HDAC4: variants seen among roughly 807,000 people sequenced by gnomAD.
The protein encoded by HDAC4 is histone deacetylase 4, also known as histone deacetylase A.
In HDAC4, 16 loss-of-function variants were observed where a neutral mutation model predicts 135.1. That is an observed-to-expected ratio of 0.12 (90% CI 0.08 to 0.18). The LOEUF (loss-of-function observed/expected upper bound fraction) is 0.18. HDAC4 is among the 10% of genes least tolerant of loss of function. HDAC4 has a pLI of 1.00. For missense variants in HDAC4, 1,143 were observed against 1,511.8 expected (o/e 0.76, Z 4.05); for synonymous variants, 685 against 653.4 (o/e 1.05, Z -0.74).
chr2:239,276,180 G>A (rs1250321564), intron 2 of HDAC4, among the ~76,000 whole-genome samples: 1 of 152,244 alleles, frequency 6.6e-6, no homozygotes, highest in Non-Finnish European at 1.5e-5. Flanking sequence ...CAGAGAACCT[G>A]AAGATGGCAG....
chr2:239,137,241 A>G (rs911175835), intron 9 of HDAC4, among the ~76,000 whole-genome samples: 5 of 152,232 alleles, frequency 3.3e-5, no homozygotes, highest in Non-Finnish European at 5.9e-5. Flanking sequence ...TGCGGGAGGC[A>G]TTCTGAGGCT....
In HDAC4 at chr2:239,349,212, C is replaced by T. The variant is rs954090780; in HGVS notation, c.22+3466G>A. 6.6e-6 allele frequency among the ~76,000 whole-genome samples: 1 copy of T among 152,100 alleles called. No individual in the cohort carries two copies. The highest frequency in any genetic ancestry group is 6.5e-5 in the Admixed American group (1 of 15,270). ...CGGGTGGGCAGGGCGAAGGACAGGGCCAGCTAGCAGAGGACGGCACGAGAG... is the reference window on the plus strand; with the variant it reads ...CGGGTGGGCAGGGCGAAGGACAGGGTCAGCTAGCAGAGGACGGCACGAGAG... On this transcript the variant is annotated intron_variant, in intron 2 of 26. Coordinates refer to ENST00000543185, the MANE Select transcript of HDAC4 (RefSeq NM_001378414.1). The surrounding 1 kb of genome is among the most constrained non-coding windows in gnomAD (Gnocchi z 5.7).
intron 2 of HDAC4, among the ~76,000 whole-genome samples, chr2:239,290,786 G>A (rs1046061368): frequency 6.6e-6 from 1 of 152,196 alleles, no homozygotes; most frequent in African/African-American, 2.4e-5. Context: ...TGTTTAGTGT[G>A]TTTCTAGGGC....
In HDAC4 at chr2:239,240,814, C is replaced by T. The variant is rs1042571940; in HGVS notation, c.23-4150G>A. Among the ~76,000 whole-genome samples, 4 of 152,164 alleles carry T rather than the reference C, an allele frequency of 2.6e-5. No individual in the cohort carries two copies. Among genetic ancestry groups the T allele is most frequent in the Non-Finnish European group, 4.4e-5 (3 of 68,038 alleles). ...CTCTTGCCAGGAGTCCCTTTCGCGC[C>T]GACAGGACCCAGCCTGAACTGAGCA... On this transcript the variant is annotated intron_variant, in intron 2 of 26. Transcript: ENST00000543185. The surrounding 1 kb of genome is among the most constrained non-coding windows in gnomAD (Gnocchi z 4.5).
At chr2:239,295,170 A>G (rs1304692227) in intron 2 of HDAC4, among the ~76,000 whole-genome samples, 2 of 150,164 alleles carry the variant, frequency 1.3e-5, no homozygotes, top group East Asian at 2.0e-4. Context: ...AGCCAGGCGT[A>G]GTGGCGGGCG....
intron 3 of HDAC4, among the ~76,000 whole-genome samples, chr2:239,235,777 C>G (rs936017970): frequency 6.6e-6 from 1 of 152,210 alleles, no homozygotes; most frequent in Non-Finnish European, 1.5e-5. Context: ...CGGTGGCTCA[C>G]GCCTGTAATT....
Position 239,139,572 on chromosome 2 carries a change from C to A in HDAC4, c.978+112G>T. On this transcript the variant is annotated intron_variant, in intron 9 of 26. Transcript: ENST00000543185. This position sits in a 1 kb window ranked among gnomAD's most constrained non-coding sequence, Gnocchi z 5.3. Reference sequence around the variant, plus strand: ...GGCTCACAGGCCACTTTCCCTCACCCCAAATTGGAAGGTGAAGAGTGAAGG... The same window carrying A: ...GGCTCACAGGCCACTTTCCCTCACCACAAATTGGAAGGTGAAGAGTGAAGG... The A allele has an allele frequency of 1.0e-6, 1 of 1,004,116 alleles. No individual in the cohort carries two copies. Among genetic ancestry groups the A allele is most frequent in the Non-Finnish European group, 1.6e-6 (1 of 626,358 alleles). 62.2% of individuals were successfully genotyped at this position (1,004,116 alleles called of 1,614,324 possible).
chr2:239,160,002 A>C (rs2042689889), intron 6 of HDAC4, among the ~76,000 whole-genome samples: 2 of 152,252 alleles, frequency 1.3e-5, no homozygotes, highest in African/African-American at 4.8e-5. Context: ...AGCTTCATAC[A>C]AACTCAACCA....
At chr2:239,220,595 T>G (rs902564244) in intron 3 of HDAC4, among the ~76,000 whole-genome samples, 1 of 152,160 alleles carries the variant, frequency 6.6e-6, no homozygotes, top group African/African-American at 2.4e-5. Flanking sequence ...CAGCGGCCTT[T>G]CATCATGAAA....
intron 5 of HDAC4, among the ~76,000 whole-genome samples, chr2:239,166,446 C>T (rs187510831): frequency 6.6e-6 from 1 of 152,318 alleles, no homozygotes; most frequent in African/African-American, 2.4e-5. Context: ...GATGTCTCAT[C>T]ACCTAAGTTG....
chr2:239,094,891 G>A (rs2036863882), intron 17 of HDAC4, 119 bp downstream of exon 17: 1 of 1,598,122 alleles, frequency 6.3e-7, no homozygotes, highest in Non-Finnish European at 8.5e-7. Flanking sequence ...GGCAGCCCCT[G>A]CGTATGGAAA....
intron 2 of HDAC4, among the ~76,000 whole-genome samples, chr2:239,291,332 C>G (rs971704105): frequency 6.6e-6 from 1 of 152,228 alleles, no homozygotes; most frequent in African/African-American, 2.4e-5. Context: ...GCCAGGCCAG[C>G]TGCGACACCA....
At chr2:239,063,509 T>C (rs919260413) in intron 24 of HDAC4, among the ~76,000 whole-genome samples, 1 of 152,172 alleles carries the variant, frequency 6.6e-6, no homozygotes, top group African/African-American at 2.4e-5. Context: ...CGGCCAGCCC[T>C]GGTCTTTAAG....
intron 2 of HDAC4, among the ~76,000 whole-genome samples, chr2:239,335,938 T>C (rs981462127): frequency 3.3e-5 from 5 of 152,208 alleles, no homozygotes; most frequent in Non-Finnish European, 5.9e-5. Context: ...ACAAGAATGT[T>C]ACAGTAGCAT....
At chr2:239,065,214 G>C (rs1199056025) in intron 24 of HDAC4, among the ~76,000 whole-genome samples, 1 of 152,182 alleles carries the variant, frequency 6.6e-6, no homozygotes, top group Non-Finnish European at 1.5e-5. Flanking sequence ...CTGTCAGTAA[G>C]AGCCATCAGA....
At chr2:239,234,573 G>T (rs1406684317) in intron 3 of HDAC4, among the ~76,000 whole-genome samples, 1 of 152,204 alleles carries the variant, frequency 6.6e-6, no homozygotes, top group African/African-American at 2.4e-5. Flanking sequence ...CTACTAAAAA[G>T]CTGACACATA....
chr2:239,060,420 G>C (rs549337724), intron 24 of HDAC4, among the ~76,000 whole-genome samples: 3 of 152,342 alleles, frequency 2.0e-5, no homozygotes, highest in East Asian at 1.9e-4. Context: ...ATAGGGAAAA[G>C]ACAATCCAAT....
chr2:239,078,939 C>T (rs2035031412), intron 22 of HDAC4, among the ~76,000 whole-genome samples: 1 of 152,272 alleles, frequency 6.6e-6, no homozygotes, highest in African/African-American at 2.4e-5. Context: ...CCTGCCTTCT[C>T]TCTCTGCACG....
chr2:239,071,069 T>C (rs988340526), intron 22 of HDAC4, among the ~76,000 whole-genome samples: 1 of 151,880 alleles, frequency 6.6e-6, no homozygotes, highest in Admixed American at 6.6e-5. Context: ...TTGCAAAGGT[T>C]TTCTAGTTTA....
Sources: allele counts gnomAD v4.1 joint callset (sites outside exome capture counted in the v4.1 genomes callset), GRCh38; gene constraint gnomAD v4.1.1; non-coding constraint Gnocchi (gnomAD v3.1); transcripts MANE v1.5; gene names NCBI Gene and HGNC (gene_info 2026-07-23, HGNC 2026-07-21).